EPHA3: variants seen among roughly 807,000 people sequenced by gnomAD.
EPHA3 encodes EPH receptor A3.
In EPHA3, 42 loss-of-function variants were observed where a neutral mutation model predicts 107.1. That is an observed-to-expected ratio of 0.39 (90% CI 0.31 to 0.51). The LOEUF (loss-of-function observed/expected upper bound fraction) is 0.51, where lower values mean the gene tolerates loss of function less well. Among genes scored for constraint, EPHA3 ranks in the 20% least tolerant of loss-of-function variants. The probability of loss-of-function intolerance (pLI) is 0.78; values close to 1 mark genes in which losing one functional copy is unlikely to be tolerated. For synonymous variants in EPHA3, 461 were observed against 424.8 expected (o/e 1.09, Z -1.05); for missense variants, 1,183 against 1,211.2 (o/e 0.98, Z 0.35).
intron 2 of EPHA3, among the ~76,000 whole-genome samples, chr3:89,156,180 G>A (rs1704802390): frequency 6.6e-6 from 1 of 151,974 alleles, no homozygotes; most frequent in African/African-American, 2.4e-5. Flanking sequence ...AATGACTGGT[G>A]GACTTTTCAG....
In EPHA3 at chr3:89,108,800, C is replaced by T. The variant is rs1707032326; in HGVS notation, c.88+964C>T. ...TGAATACAGTCACTAACTCGTAAAA[C>T]AAACTTCTCTAAATAATTGATTAGT... On this transcript the variant is annotated intron_variant, in intron 1 of 16. Coordinates refer to ENST00000336596, the MANE Select transcript of EPHA3 (RefSeq NM_005233.6). 2.0e-5 allele frequency among the ~76,000 whole-genome samples: 3 copies of T among 152,152 alleles called. No individual in the cohort carries two copies. The South Asian group carries it at 6.2e-4, about 32-fold the overall frequency.
chr3:89,240,279 C>T (rs952385937), intron 3 of EPHA3, among the ~76,000 whole-genome samples: 1 of 151,974 alleles, frequency 6.6e-6, no homozygotes, highest in African/African-American at 2.4e-5. Context: ...TCTGTAAGTC[C>T]TCCAGTAACT....
At chr3:89,181,524 T>C (rs2107120155) in intron 2 of EPHA3, among the ~76,000 whole-genome samples, 1 of 151,680 alleles carries the variant, frequency 6.6e-6, no homozygotes, top group African/African-American at 2.4e-5. Flanking sequence ...AACAGAAAAA[T>C]AAATAAAAGA....
intron 2 of EPHA3, among the ~76,000 whole-genome samples, chr3:89,143,155 T>C (rs1295316542): frequency 6.6e-6 from 1 of 151,290 alleles, no homozygotes; most frequent in African/African-American, 2.4e-5. Context: ...CCTACAGAGT[T>C]TGGGAAAAAA....
At chr3:89,279,860 C>T (rs1705896921) in intron 3 of EPHA3, among the ~76,000 whole-genome samples, 1 of 152,018 alleles carries the variant, frequency 6.6e-6, no homozygotes, top group Admixed American at 6.6e-5. Flanking sequence ...TTGGGAAAAG[C>T]CACTCTAAAT....
chr3:89,406,267 C>T lies in EPHA3; in HGVS notation c.1595-1002C>T, dbSNP rs1576362524. Among the ~76,000 whole-genome samples, 3 of 152,208 alleles carry T rather than the reference C, an allele frequency of 2.0e-5. No homozygotes were observed. In the South Asian group the frequency reaches 6.2e-4, roughly 32 times the overall value. ...CTGGAATCAGCAGAATCAGCACTGC[C>T]TGTGTGTTCATAAGAAATATACAAT... On this transcript the variant is annotated intron_variant, in intron 7 of 16. Coordinates refer to ENST00000336596, the MANE Select transcript of EPHA3 (RefSeq NM_005233.6).
intron 3 of EPHA3, among the ~76,000 whole-genome samples, chr3:89,234,833 CT>C (rs1451652063): frequency 8.9e-6 from 1 of 111,804 alleles, no homozygotes; most frequent in Non-Finnish European, 1.7e-5. Context: ...CTTTCCTTTC[CT>C]TTCTTTCCTT....
intron 2 of EPHA3, among the ~76,000 whole-genome samples, chr3:89,177,596 C>T (rs747078736): frequency 1.3e-5 from 2 of 152,044 alleles, no homozygotes; most frequent in African/African-American, 2.4e-5. Context: ...ATCAATTAGC[C>T]TTAAGGTTTA....
intron 13 of EPHA3, among the ~76,000 whole-genome samples, chr3:89,445,369 A>G (rs1402067555): frequency 6.6e-6 from 1 of 152,198 alleles, no homozygotes; most frequent in African/African-American, 2.4e-5. Flanking sequence ...TGGATATCAT[A>G]TATAAAAATA....
intron 5 of EPHA3, among the ~76,000 whole-genome samples, chr3:89,368,406 T>C (rs1326252313): frequency 2.0e-5 from 3 of 150,306 alleles, no homozygotes; most frequent in Admixed American, 6.7e-5. Flanking sequence ...GATGGGAATT[T>C]GTTTGCATAA....
chr3:89,168,531 A>G (rs544715475), intron 2 of EPHA3, among the ~76,000 whole-genome samples: 1 of 152,238 alleles, frequency 6.6e-6, no homozygotes, highest in African/African-American at 2.4e-5. Context: ...AAGAGTTTAA[A>G]CTATGATATT....
intron 3 of EPHA3, among the ~76,000 whole-genome samples, chr3:89,290,072 T>C (rs545527337): frequency 6.6e-6 from 1 of 152,262 alleles, no homozygotes; most frequent in South Asian, 2.1e-4. Context: ...TAATACAAAC[T>C]GTGAGGCTGC....
chr3:89,222,552 T>C (rs576338258), intron 3 of EPHA3, among the ~76,000 whole-genome samples: 22 of 150,726 alleles, frequency 1.5e-4, no homozygotes, highest in African/African-American at 2.4e-5. Context: ...TGTGCATGTC[T>C]ATACATGTCC....
chr3:89,234,504 T>C (rs1409793852), intron 3 of EPHA3, among the ~76,000 whole-genome samples: 2 of 152,198 alleles, frequency 1.3e-5, no homozygotes. Flanking sequence ...TTTTGATGGG[T>C]TAAAATTTGA....
intron 1 of EPHA3, among the ~76,000 whole-genome samples, chr3:89,111,021 G>A (rs1707093028): frequency 6.6e-6 from 1 of 151,830 alleles, no homozygotes; most frequent in African/African-American, 2.4e-5. Context: ...ATTGAAAATA[G>A]AGTATCCAAA....
At chr3:89,413,069 C>T (rs920516099) in intron 9 of EPHA3, 72 bp from the exon 10 acceptor site, 14 of 1,587,582 alleles carry the variant, frequency 8.8e-6, no homozygotes, top group East Asian at 2.2e-5. Flanking sequence ...ACCAATAATG[C>T]CATAAAATTT....
At chr3:89,170,905 A>G (rs1193141612) in intron 2 of EPHA3, among the ~76,000 whole-genome samples, 11 of 151,430 alleles carry the variant, frequency 7.3e-5, no homozygotes, top group Admixed American at 6.6e-4. Flanking sequence ...GAAGATGTTT[A>G]CAGCATGAAG....
intron 2 of EPHA3, among the ~76,000 whole-genome samples, chr3:89,129,840 A>G (rs542721433): frequency 7.9e-4 from 120 of 152,280 alleles, no homozygotes; most frequent in Non-Finnish European, 1.2e-3. Context: ...AACGTTTTTC[A>G]TAAAAAAAAG....
intron 2 of EPHA3, among the ~76,000 whole-genome samples, chr3:89,167,615 T>C (rs1230070460): frequency 6.6e-6 from 1 of 152,140 alleles, no homozygotes; most frequent in South Asian, 2.1e-4. Flanking sequence ...TGTCTCTGTT[T>C]TTGTCTTAAA....
Sources: gnomAD v4.1 joint callset for allele counts (sites outside exome capture counted in the v4.1 genomes callset) on GRCh38, gnomAD v4.1.1 for gene constraint, MANE v1.5 for transcripts, NCBI Gene and HGNC (gene_info 2026-07-23, HGNC 2026-07-21) for gene names.